The following GPC5 variants were observed in gnomAD, a reference collection of about 807,000 sequenced individuals.
The protein encoded by GPC5 is glypican 5, also known as glypican-5.
A neutral mutation model predicts 53.9 loss-of-function variants in GPC5; 47 were observed. The ratio of observed to expected loss-of-function variants is 0.87; its 90% CI spans 0.69 to 1.11. The LOEUF (loss-of-function observed/expected upper bound fraction) is 1.11. Ranked by LOEUF, GPC5 falls within the 50% of genes most tolerant of loss-of-function variation. The pLI is 0.00. For missense variants in GPC5, 748 were observed against 713.1 expected, an observed-to-expected ratio of 1.05 and a Z score of -0.56; for synonymous variants, 286 against 263.3, an observed-to-expected ratio of 1.09 and a Z score of -0.84.
At chr13:91,402,062 T>A (rs948857602) in intron 1 of GPC5, among the ~76,000 whole-genome samples, 2 of 152,204 alleles carry the variant, frequency 1.3e-5, no homozygotes, top group African/African-American at 4.8e-5. Context: ...GGATAATGCT[T>A]TTCTATTAAA....
chr13:92,782,107 G>A (rs562469268), intron 7 of GPC5, among the ~76,000 whole-genome samples: 230 of 150,576 alleles, frequency 1.5e-3, no homozygotes, highest in Middle Eastern at 6.8e-3. Flanking sequence ...GAAGGAGTGG[G>A]GGGAAGGGAG....
chr13:91,685,685 G>A (rs1483565477), intron 2 of GPC5, among the ~76,000 whole-genome samples: 1 of 152,000 alleles, frequency 6.6e-6, no homozygotes, highest in Non-Finnish European at 1.5e-5. Flanking sequence ...TAGCTTCAAG[G>A]TCTAAAACAG....
chr13:91,642,635 A>G (rs1453077840), intron 2 of GPC5, among the ~76,000 whole-genome samples: 11 of 152,018 alleles, frequency 7.2e-5, no homozygotes, highest in African/African-American at 2.7e-4. Flanking sequence ...GAATAATGGA[A>G]GTGAAAACCA....
intron 2 of GPC5, among the ~76,000 whole-genome samples, chr13:91,509,625 CAA>C (rs1885130806): frequency 6.6e-6 from 1 of 151,776 alleles, no homozygotes; most frequent in South Asian, 2.1e-4. Flanking sequence ...ACTAAATGCT[CAA>C]AAGAGTTTTA....
chr13:92,836,530 A>C (rs892308284), intron 7 of GPC5, among the ~76,000 whole-genome samples: 2 of 152,106 alleles, frequency 1.3e-5, no homozygotes, highest in African/African-American at 4.8e-5. Context: ...ATGACATACA[A>C]ATTTAGTTAT....
At chr13:91,809,374 G>A (rs1345746729) in intron 5 of GPC5, among the ~76,000 whole-genome samples, 2 of 152,114 alleles carry the variant, frequency 1.3e-5, no homozygotes, top group Admixed American at 6.6e-5. Context: ...AACCAATGAT[G>A]AATAGTTTTT....
At chr13:92,081,365 G>A (rs528952980) in intron 6 of GPC5, among the ~76,000 whole-genome samples, 2 of 152,298 alleles carry the variant, frequency 1.3e-5, no homozygotes, top group East Asian at 3.9e-4. Flanking sequence ...GACTCCCAAA[G>A]TGCTGGGATT....
chr13:91,987,104 C>T (rs752143252), intron 6 of GPC5, among the ~76,000 whole-genome samples: 115 of 152,294 alleles, frequency 7.6e-4, no homozygotes, highest in African/African-American at 2.5e-3. Flanking sequence ...GGTAGGAAGA[C>T]GTTATGGCAA....
intron 7 of GPC5, among the ~76,000 whole-genome samples, chr13:92,530,206 G>A (rs1220033863): frequency 3.9e-4 from 4 of 10,262 alleles, no homozygotes; most frequent in African/African-American, 8.2e-4. Context: ...TGGGATGTGA[G>A]CTATTATATA....
intron 7 of GPC5, among the ~76,000 whole-genome samples, chr13:92,858,832 A>T (rs1939298699): frequency 6.6e-6 from 1 of 152,162 alleles, no homozygotes; most frequent in African/African-American, 2.4e-5. Context: ...AAACCAAAAA[A>T]AGAATTTGTC....
At chr13:92,478,181 T>A (rs2139429916) in intron 7 of GPC5, among the ~76,000 whole-genome samples, 1 of 152,320 alleles carries the variant, frequency 6.6e-6, no homozygotes, top group East Asian at 1.9e-4. Context: ...TTTATCTTGA[T>A]AATTAACATT....
chr13:91,696,778 A>C (rs975514863), intron 3 of GPC5, among the ~76,000 whole-genome samples: 7 of 152,232 alleles, frequency 4.6e-5, no homozygotes, highest in Admixed American at 4.6e-4. Flanking sequence ...TGTTTAGAGA[A>C]ACAAAAGTTA....
intron 5 of GPC5, among the ~76,000 whole-genome samples, chr13:91,769,823 C>A (rs1011895336): frequency 1.3e-5 from 2 of 152,138 alleles, no homozygotes; most frequent in African/African-American, 4.8e-5. Flanking sequence ...AATTCTGTGA[C>A]CAGAAGTGTG....
chr13:92,055,323 A>C (rs975159704), intron 6 of GPC5, among the ~76,000 whole-genome samples: 1 of 152,176 alleles, frequency 6.6e-6, no homozygotes, highest in South Asian at 2.1e-4. Context: ...TCTAGTCCCA[A>C]TTGTATATTT....
At chr13:92,280,937 A>G (rs1042403940) in intron 7 of GPC5, among the ~76,000 whole-genome samples, 2 of 152,196 alleles carry the variant, frequency 1.3e-5, no homozygotes, top group African/African-American at 4.8e-5. Flanking sequence ...CCTAAGCCAA[A>G]GCAGGGCAAG....
chr13:91,526,132 C>T lies in GPC5; in HGVS notation c.325+77210C>T, dbSNP rs115604220. ...AATTTTAGTTTAGAGGTTCCAAATA[C>T]GATCTGAATTTGGTCATTTAAAGGA... On this transcript the variant is annotated intron_variant, in intron 2 of 7. Coordinates refer to ENST00000377067, the MANE Select transcript of GPC5 (RefSeq NM_004466.6). Among the ~76,000 whole-genome samples, 421 of 152,194 alleles carry T rather than the reference C, an allele frequency of 2.8e-3. 2 individuals are homozygous for T. The highest frequency in any genetic ancestry group is 8.4e-3 in the African/African-American group (347 of 41,522).
intron 6 of GPC5, among the ~76,000 whole-genome samples, chr13:92,002,411 A>G (rs895480978): frequency 6.6e-6 from 1 of 152,228 alleles, no homozygotes; most frequent in Non-Finnish European, 1.5e-5. Flanking sequence ...CAAAACTGAG[A>G]CAAGAACACA....
chr13:91,462,869 T>A (rs1166686587), intron 2 of GPC5, among the ~76,000 whole-genome samples: 3 of 152,144 alleles, frequency 2.0e-5, no homozygotes, highest in African/African-American at 7.2e-5. Flanking sequence ...CAAAGTAGAC[T>A]TAAATTATCT....
intron 2 of GPC5, among the ~76,000 whole-genome samples, chr13:91,482,910 T>C (rs1484653266): frequency 6.6e-6 from 1 of 152,088 alleles, no homozygotes; most frequent in Non-Finnish European, 1.5e-5. Flanking sequence ...TCTATAAATT[T>C]ACTTCTGTTA....
Sources: allele counts gnomAD v4.1 joint callset (sites outside exome capture counted in the v4.1 genomes callset), GRCh38; gene constraint gnomAD v4.1.1; transcripts MANE v1.5; gene names NCBI Gene and HGNC (gene_info 2026-07-23, HGNC 2026-07-21).